FAM3B: variants seen among roughly 807,000 people sequenced by gnomAD.
The protein encoded by FAM3B is protein FAM3B.
FAM3B carries 29 observed loss-of-function variants against 28.4 expected under a neutral mutation model. The observed-to-expected ratio is 1.02, with a 90% CI of 0.76 to 1.39. The LOEUF is 1.39. Among genes scored for constraint, FAM3B ranks in the 40% most tolerant of loss-of-function variants. FAM3B has a pLI of 0.00. For synonymous variants in FAM3B, 91 were observed against 103.0 expected (o/e 0.88, Z 0.71); for missense variants, 266 against 293.9 (o/e 0.91, Z 0.69).
chr21:41,304,800 G>T (rs981403956), intron 1 of FAM3B, among the ~76,000 whole-genome samples: 1 of 152,190 alleles, frequency 6.6e-6, no homozygotes, highest in African/African-American at 2.4e-5. Context: ...CTTTCATCTG[G>T]TGCCAGTAGG....
Position 41,323,814 on chromosome 21 carries a change from A to G in FAM3B, c.163+748A>G, listed in dbSNP as rs550598021. Among the ~76,000 whole-genome samples, 5 of 152,328 alleles carry G rather than the reference A, an allele frequency of 3.3e-5. No homozygotes were observed. The East Asian group carries it at 9.6e-4, about 29-fold the overall frequency. On this transcript the variant is annotated intron_variant, in intron 2 of 7. Transcript: ENST00000357985. ...TCTCAGTGAAGCAAGGGAGTGGGCC[A>G]TGCTGGGTTCTGAGGGCTGTGTGCC...
intron 3 of FAM3B, among the ~76,000 whole-genome samples, 159 bp downstream of exon 3, chr21:41,338,660 G>T (rs1480509794): frequency 6.6e-6 from 1 of 152,210 alleles, no homozygotes; most frequent in Non-Finnish European, 1.5e-5. Flanking sequence ...AGAAAGCTCC[G>T]CTGTATTCAC....
intron 2 of FAM3B, among the ~76,000 whole-genome samples, chr21:41,327,283 C>G (rs2088862508): frequency 6.6e-6 from 1 of 152,232 alleles, no homozygotes; most frequent in Non-Finnish European, 1.5e-5. Context: ...GAAAGAAGTA[C>G]TCCTTGGCTT....
rs1216184924 is a variant in FAM3B, at chr21:41,338,499, C to A, written c.285C>A (p.Asn95Lys). Residue 95 changes from asparagine to lysine, a missense_variant and splice_region_variant, in exon 3 of 8, where the codon AAC becomes AAA. Physicochemically the swap from Asn to Lys is moderately conservative, Grantham distance 94 (BLOSUM62 0). Transcript: ENST00000357985. ...SKYAKICFEDNLLMGEQLGNV... is the reference protein window; with the variant it reads ...SKYAKICFEDKLLMGEQLGNV... ...ACGCCAAAATCTGCTTTGAGGATAA[C>A]CTGTAAGTACCAGCGTTTAGAAGGA... 3.1e-6 allele frequency: 5 copies of A among 1,613,952 alleles called. No individual in the cohort carries two copies. Among genetic ancestry groups the A allele is most frequent in the African/African-American group, 1.3e-5 (1 of 74,920 alleles).
At chr21:41,350,212 G>C (rs1174345010) in intron 7 of FAM3B, among the ~76,000 whole-genome samples, 1 of 152,178 alleles carries the variant, frequency 6.6e-6, no homozygotes, top group Non-Finnish European at 1.5e-5. Flanking sequence ...GCCAGCAGCT[G>C]TGCTGCAGTG....
rs762627394 is a variant in FAM3B at position 41,357,231 on chromosome 21, A to G, written c.*34A>G. ...GGTCCTGAGTAAATGTGTTCTGTAT[A>G]AACAAATGCAGCTGGAATCGCTCAA... On this transcript the variant is annotated 3_prime_UTR_variant, in exon 8 of 8. Coordinates refer to ENST00000357985, the MANE Select transcript of FAM3B (RefSeq NM_058186.4). 6.9e-7 allele frequency: 1 copy of G among 1,444,982 alleles called. No individual in the cohort carries two copies. Among genetic ancestry groups the G allele is most frequent in the South Asian group, 1.2e-5 (1 of 83,318 alleles). The allele number at this position is 1,444,982 out of a possible 1,614,324, so 89.5% of individuals were successfully genotyped here.
chr21:41,319,630 C>T (rs1178820477), intron 1 of FAM3B: 2 of 152,414 alleles, frequency 1.3e-5, no homozygotes, highest in Non-Finnish European at 2.9e-5. Flanking sequence ...CAAGTGTGTC[C>T]CAGCTTCAGC....
chr21:41,304,926 G>T (rs1209139741), intron 1 of FAM3B, among the ~76,000 whole-genome samples: 1 of 152,132 alleles, frequency 6.6e-6, no homozygotes, highest in Non-Finnish European at 1.5e-5. Context: ...GAGTGAAGGA[G>T]GAGAATTTGA....
At chr21:41,336,436 C>T (rs1384908794) in intron 2 of FAM3B, among the ~76,000 whole-genome samples, 1 of 152,114 alleles carries the variant, frequency 6.6e-6, no homozygotes, top group Non-Finnish European at 1.5e-5. Context: ...GCAGGAGAAT[C>T]GCTTGAACCT....
At chr21:41,352,820 T>TAAATAAATAAAC (rs61423023) in intron 7 of FAM3B, among the ~76,000 whole-genome samples, 26,913 of 149,936 alleles carry the variant, frequency 0.18, 2,638 homozygotes, top group Middle Eastern at 0.23. Flanking sequence ...AATAAATAAA[T>TAAATAAATAAAC]AAATAAAGGA....
intron 7 of FAM3B, among the ~76,000 whole-genome samples, chr21:41,352,602 G>C (rs551037252): frequency 6.6e-6 from 1 of 152,136 alleles, no homozygotes; most frequent in Admixed American, 6.5e-5. Flanking sequence ...AGACCAGCCT[G>C]GCCAACATGG....
rs768330319 is a variant in FAM3B, at chr21:41,322,915, C to T, written c.20-8C>T. The T allele has an allele frequency of 6.2e-7, 1 of 1,614,118 alleles. No homozygotes were observed. The highest frequency in any genetic ancestry group is 1.1e-5 in the South Asian group (1 of 91,088). ...GTTCACAGCAGCTGCTTGGTGTCCT[C>T]TCTGCAGGCCTGCTCAAGGTGGTGT... On this transcript the variant is annotated splice_region_variant and splice_polypyrimidine_tract_variant and intron_variant, in intron 1 of 7. Transcript: ENST00000357985.
intron 2 of FAM3B, among the ~76,000 whole-genome samples, chr21:41,332,683 G>A (rs1162307018): frequency 6.6e-6 from 1 of 152,080 alleles, no homozygotes; most frequent in Non-Finnish European, 1.5e-5. Flanking sequence ...TTTTATTACT[G>A]ACTTCGTCTC....
At chr21:41,336,389 G>T (rs185868314) in intron 2 of FAM3B, among the ~76,000 whole-genome samples, 2 of 152,274 alleles carry the variant, frequency 1.3e-5, no homozygotes, top group East Asian at 3.9e-4. Context: ...AGATGTGGTG[G>T]TGCATGCCTA....
chr21:41,347,361 A>G (rs538818599), intron 6 of FAM3B, among the ~76,000 whole-genome samples: 7 of 152,200 alleles, frequency 4.6e-5, no homozygotes, highest in Admixed American at 2.6e-4. Flanking sequence ...GTTGACCATA[A>G]TTAGGACAGA....
intron 7 of FAM3B, among the ~76,000 whole-genome samples, chr21:41,354,400 T>C (rs775578703): frequency 2.0e-5 from 3 of 152,212 alleles, no homozygotes; most frequent in Non-Finnish European, 2.9e-5. Context: ...TACAAAACTG[T>C]TCACAATAGC....
intron 1 of FAM3B, among the ~76,000 whole-genome samples, chr21:41,310,279 C>T (rs2088702243): frequency 6.6e-6 from 1 of 152,108 alleles, no homozygotes; most frequent in African/African-American, 2.4e-5. Flanking sequence ...GGTGGCACCA[C>T]GTGACCATAC....
chr21:41,345,886 A>T lies in FAM3B; in HGVS notation c.397+150A>T, dbSNP rs757288378. 3.8e-5 allele frequency: 24 copies of T among 624,596 alleles called. No individual in the cohort carries two copies. In the South Asian group the frequency reaches 4.2e-4, roughly 11 times the overall value. The allele number at this position is 624,596 out of a possible 1,614,324, so 38.7% of individuals were successfully genotyped here. A position where few individuals can be genotyped will look rare whatever the true frequency, so the allele number is the denominator to read the frequency against. The stretch of plus-strand genomic sequence containing the variant: ...AGTAATCTAGAGTGGTCTTATGTAG[A>T]TCCTCTTAAACTCTAATTGAATTCA... On this transcript the variant is annotated intron_variant, in intron 5 of 7. Coordinates refer to ENST00000357985, the MANE Select transcript of FAM3B (RefSeq NM_058186.4).
intron 1 of FAM3B, among the ~76,000 whole-genome samples, chr21:41,310,333 C>T (rs9980495): frequency 0.21 from 31,620 of 151,998 alleles, 3,726 homozygotes; most frequent in East Asian, 0.52. Flanking sequence ...CACTGTCTGT[C>T]CTCTGCTCAT....
Sources: gnomAD v4.1 joint callset for allele counts (sites outside exome capture counted in the v4.1 genomes callset) on GRCh38, gnomAD v4.1.1 for gene constraint, MANE v1.5 for transcripts, NCBI Gene and HGNC (gene_info 2026-07-23, HGNC 2026-07-21) for gene names.